The following QRICH1 variants were observed in gnomAD, a reference collection of about 807,000 sequenced individuals.
QRICH1 encodes the protein glutamine rich 1.
QRICH1 carries 16 observed loss-of-function variants against 87.1 expected under a neutral mutation model. The ratio of observed to expected loss-of-function variants is 0.18; its 90% CI spans 0.12 to 0.28. The LOEUF (loss-of-function observed/expected upper bound fraction) is 0.28, where lower values mean the gene tolerates loss of function less well. Among genes scored for constraint, QRICH1 ranks in the 10% least tolerant of loss-of-function variants. The pLI, the probability that QRICH1 is intolerant of heterozygous loss-of-function variation, is 1.00. For synonymous variants in QRICH1, 367 were observed against 368.4 expected, an observed-to-expected ratio of 1.00 and a Z score of 0.05; for missense variants, 647 against 951.7, an observed-to-expected ratio of 0.68 and a Z score of 4.21.
chr3:49,087,581 A>G (rs2042190340), intron 1 of QRICH1, among the ~76,000 whole-genome samples: 1 of 151,512 alleles, frequency 6.6e-6, no homozygotes, highest in Non-Finnish European at 1.5e-5. Flanking sequence ...AAAAAAATAA[A>G]AATAAAAAAA....
rs1277926799 is a variant in QRICH1, at chr3:49,076,695, C to T, written c.309+14G>A. On this transcript the variant is annotated intron_variant, in intron 2 of 9. Coordinates refer to ENST00000395443, the MANE Select transcript of QRICH1 (RefSeq NM_198880.3). ...GTACATTAAACAGGCTGCACCTCAG[C>T]ATTTCCCATATACCTGAACCTGCTG... The T allele has an allele frequency of 1.3e-6, 2 of 1,525,130 alleles. No homozygotes were observed. Among genetic ancestry groups the T allele is most frequent in the South Asian group, 2.6e-5 (2 of 76,538 alleles). The allele number at this position is 1,525,130 out of a possible 1,614,324, so 94.5% of individuals were successfully genotyped here. A position where few individuals can be genotyped will look rare whatever the true frequency, so the allele number is the denominator to read the frequency against.
chr3:49,065,685 T>C (rs2093464227), intron 2 of QRICH1, among the ~76,000 whole-genome samples: 1 of 139,656 alleles, frequency 7.2e-6, no homozygotes, highest in South Asian at 2.2e-4. Flanking sequence ...AGTCTCTCTC[T>C]TTTTTTTTTT....
intron 1 of QRICH1, among the ~76,000 whole-genome samples, chr3:49,088,101 G>A (rs2042204758): frequency 1.3e-5 from 2 of 151,442 alleles, no homozygotes. Context: ...ACAGGCGCCC[G>A]CCACCACATC....
intron 2 of QRICH1, among the ~76,000 whole-genome samples, chr3:49,065,841 C>T (rs186449209): frequency 5.9e-5 from 9 of 152,140 alleles, no homozygotes; most frequent in East Asian, 1.9e-4. Flanking sequence ...CCACCACGCC[C>T]GCTAATTTTT....
chr3:49,068,634 C>T lies in QRICH1; in HGVS notation c.309+8075G>A, dbSNP rs554300744. ...AGCCAAGCTTGGCTAAAATTTCTTTCTTTTTTTTTTTGTGATGGGGTCTGT... is the reference window on the plus strand; with the variant it reads ...AGCCAAGCTTGGCTAAAATTTCTTTTTTTTTTTTTTTGTGATGGGGTCTGT... On this transcript the variant is annotated intron_variant, in intron 2 of 9. Transcript: ENST00000395443. 5.6e-3 allele frequency among the ~76,000 whole-genome samples: 802 copies of T among 143,236 alleles called. 8 individuals are homozygous for T. Among genetic ancestry groups the T allele is most frequent in the African/African-American group, 0.019 (758 of 39,430 alleles). The allele number at this position is 143,236 out of a possible 152,430, so 94.0% of individuals were successfully genotyped here. A position where few individuals can be genotyped will look rare whatever the true frequency, so the allele number is the denominator to read the frequency against.
intron 9 of QRICH1, 102 bp from the exon 10 acceptor site, chr3:49,030,746 A>G (rs2093231808): frequency 1.9e-6 from 2 of 1,043,752 alleles, no homozygotes; most frequent in South Asian, 3.4e-5. Flanking sequence ...TAAGGCCCCA[A>G]GTTATTGTGG....
chr3:49,057,971 C>A lies in QRICH1; in HGVS notation c.310-81G>T. 6.2e-7 allele frequency: 1 copy of A among 1,606,580 alleles called. No homozygotes were observed. Among genetic ancestry groups the A allele is most frequent in the South Asian group, 1.1e-5 (1 of 90,324 alleles). On this transcript the variant is annotated intron_variant, in intron 2 of 9. Coordinates refer to ENST00000395443, the MANE Select transcript of QRICH1 (RefSeq NM_198880.3). The surrounding 1 kb of genome is among the most constrained non-coding windows in gnomAD (Gnocchi z 5.4). ...CCCAAGGAAAGAAAGAAAAGAGATC[C>A]CAGACAGGGGACCTGCAAAATGTGA...
chr3:49,071,671 T>C (rs1009268479), intron 2 of QRICH1, among the ~76,000 whole-genome samples: 2 of 152,106 alleles, frequency 1.3e-5, no homozygotes, highest in African/African-American at 4.8e-5. Flanking sequence ...AGCAGAATAA[T>C]TTGAGCCAGA....
chr3:49,032,084 G>A, intron 9 of QRICH1, 99 bp downstream of exon 9: 1 of 1,003,394 alleles, frequency 1.0e-6, no homozygotes, highest in Non-Finnish European at 1.5e-6. Context: ...TGGGACTAGA[G>A]AATGCCTCTC....
intron 1 of QRICH1, among the ~76,000 whole-genome samples, chr3:49,079,807 TC>T (rs2042023417): frequency 6.6e-6 from 1 of 152,168 alleles, no homozygotes; most frequent in Non-Finnish European, 1.5e-5. Context: ...GGCAGGCAGA[TC>T]ACCTGAGGTC....
rs2093245819 is a variant in QRICH1, at chr3:49,032,292, C to CA, written c.2048-20dup. The CA allele has an allele frequency of 6.3e-7, 1 of 1,585,814 alleles. No individual in the cohort carries two copies. Among genetic ancestry groups the CA allele is most frequent in the African/African-American group, 1.3e-5 (1 of 74,302 alleles). ...TCTGTAACTATAAAACACACATCCC[C>CA]ACCACCACAGACCTGGCATCAGACT... is the stretch of plus-strand genomic sequence containing the variant. On this transcript the variant is annotated intron_variant, in intron 8 of 9. Coordinates refer to ENST00000395443, the MANE Select transcript of QRICH1 (RefSeq NM_198880.3).
intron 1 of QRICH1, chr3:49,083,595 C>T (rs1418072043): frequency 3.3e-5 from 5 of 151,852 alleles, no homozygotes; most frequent in African/African-American, 4.8e-5. Flanking sequence ...TCCATAAAAC[C>T]ATTAGAAAAT....
At chr3:49,093,692 G>A in intron 1 of QRICH1, 1 of 227,162 alleles carries the variant, frequency 4.4e-6, no homozygotes, top group Non-Finnish European at 8.6e-6. Flanking sequence ...GCACCGGCGC[G>A]CCATCTCGCG....
At position 49,057,192 on chromosome 3, in the gene QRICH1, G is replaced by C; in HGVS notation, c.1008C>G (p.Ala336=). 6.2e-7 allele frequency: 1 copy of C among 1,614,218 alleles called. No individual in the cohort carries two copies. The highest frequency in any genetic ancestry group is 8.5e-7 in the Non-Finnish European group (1 of 1,180,038). The change falls in exon 3 of 10, where the codon GCC becomes GCG. Residue 336 remains alanine, a synonymous_variant. Transcript: ENST00000395443. This position sits in a 1 kb window ranked among gnomAD's most constrained non-coding sequence, Gnocchi z 5.4. ...AGCCACTGACGTGAACTGCGTTGTAGGCTTCCTGGGGAATGGCAATGTGGG... is the reference window on the plus strand; with the variant it reads ...AGCCACTGACGTGAACTGCGTTGTACGCTTCCTGGGGAATGGCAATGTGGG... ...SITHIAIPQE[A]YNAVHVSGSP... is the part of the protein sequence containing the mutation.
intron 2 of QRICH1, among the ~76,000 whole-genome samples, chr3:49,076,485 C>A (rs2041953919): frequency 6.8e-6 from 1 of 147,784 alleles, no homozygotes; most frequent in Non-Finnish European, 1.5e-5. Flanking sequence ...TCCCTGGCTG[C>A]AATCTATTCA....
chr3:49,067,460 T>C (rs2093475015), intron 2 of QRICH1, among the ~76,000 whole-genome samples: 1 of 151,300 alleles, frequency 6.6e-6, no homozygotes, highest in South Asian at 2.1e-4. Context: ...CCCAGCTCCT[T>C]GGGAGGCTGA....
intron 6 of QRICH1, among the ~76,000 whole-genome samples, chr3:49,039,618 C>CAAAAAAAAAAAA (rs899570014): frequency 1.2e-4 from 2 of 16,350 alleles, no homozygotes; most frequent in Non-Finnish European, 2.5e-4. Flanking sequence ...GACTCCATCT[C>CAAAAAAAAAAAA]AAAAAAAAAA....
chr3:49,084,113 T>C (rs1376533142), intron 1 of QRICH1, among the ~76,000 whole-genome samples: 3 of 151,896 alleles, frequency 2.0e-5, no homozygotes, highest in Non-Finnish European at 4.4e-5. Context: ...ATCCGGCTAA[T>C]TTTTATATTT....
intron 6 of QRICH1, among the ~76,000 whole-genome samples, chr3:49,034,534 G>C (rs1433049072): frequency 2.6e-5 from 4 of 151,976 alleles, no homozygotes; most frequent in South Asian, 2.1e-4. Flanking sequence ...CTGCAGCCTT[G>C]AGCTCTTGGA....
Sources: allele counts gnomAD v4.1 joint callset (sites outside exome capture counted in the v4.1 genomes callset), GRCh38; gene constraint gnomAD v4.1.1; non-coding constraint Gnocchi (gnomAD v3.1); transcripts MANE v1.5; gene names NCBI Gene and HGNC (gene_info 2026-07-23, HGNC 2026-07-21).